The following MCU variants were observed in gnomAD, a reference collection of about 807,000 sequenced individuals.
MCU encodes mitochondrial calcium uniporter.
MCU carries 12 observed loss-of-function variants against 45.2 expected under a neutral mutation model. The observed-to-expected ratio is 0.27, with a 90% confidence interval of 0.17 to 0.43. The LOEUF is 0.43. Ranked by LOEUF, MCU falls within the 20% of genes least tolerant of loss-of-function variation. MCU has a pLI of 1.00. For synonymous variants in MCU, 160 were observed against 165.1 expected (o/e 0.97, Z 0.24); for missense variants, 324 against 436.7 (o/e 0.74, Z 2.30).
rs1203670970 is a variant in MCU, at chr10:72,849,352, A to G, written c.221-9825A>G. Among the ~76,000 whole-genome samples the G allele has an allele frequency of 1.3e-5, 2 of 151,986 alleles. 1 individual carries two copies. Among genetic ancestry groups the G allele is most frequent in the South Asian group, 4.2e-4 (2 of 4,816 alleles). On this transcript the variant is annotated intron_variant, in intron 2 of 7. Transcript: ENST00000373053. ...ATGAGGAATGTCAGATTCTGGCTCT[A>G]TGAATAGTCAAGGATGCCAGGTAAT... is the stretch of plus-strand genomic sequence containing the variant.
At position 72,812,199 on chromosome 10, in the gene MCU, T is replaced by C. The variant is rs187884008; in HGVS notation, c.151-22160T>C. Among the ~76,000 whole-genome samples, 221 of 152,216 alleles carry C rather than the reference T, an allele frequency of 1.5e-3. 2 individuals are homozygous for C. Among genetic ancestry groups the C allele is most frequent in the African/African-American group, 4.9e-3 (202 of 41,544 alleles). ...TCTTGCCCTACTGCCCAGGCTAGAG[T>C]GCAGTGGTGTGATCTCGGCTCACTG... On this transcript the variant is annotated intron_variant, in intron 1 of 7. Coordinates refer to ENST00000373053, the MANE Select transcript of MCU (RefSeq NM_138357.3).
chr10:72,861,909 A>G (rs1357394859), intron 4 of MCU: 1 of 269,410 alleles, frequency 3.7e-6, no homozygotes, highest in Non-Finnish European at 7.3e-6. Context: ...ATTTCTTTTC[A>G]TCCTAGCCTC....
chr10:72,849,415 A>C (rs1381369804), intron 2 of MCU, among the ~76,000 whole-genome samples: 1 of 152,042 alleles, frequency 6.6e-6, no homozygotes, highest in Non-Finnish European at 1.5e-5. Context: ...TGGTGGTGTT[A>C]TTGGTTGAGA....
chr10:72,745,858 A>G (rs1843408007), intron 1 of MCU, among the ~76,000 whole-genome samples: 1 of 152,222 alleles, frequency 6.6e-6, no homozygotes, highest in Non-Finnish European at 1.5e-5. Flanking sequence ...TAAAGTATAC[A>G]TAACATAAAA....
intron 1 of MCU, among the ~76,000 whole-genome samples, chr10:72,818,737 A>G (rs1844663689): frequency 6.6e-6 from 1 of 151,608 alleles, no homozygotes; most frequent in Non-Finnish European, 1.5e-5. Context: ...GCTACTTGGG[A>G]TGCTGAGGCA....
At chr10:72,692,869 C>T (rs1471709675) in intron 1 of MCU, 2 of 1,432,460 alleles carry the variant, frequency 1.4e-6, no homozygotes, top group Non-Finnish European at 1.8e-6. Context: ...CTTTATTCCC[C>T]TCTGTGACTT....
intron 1 of MCU, among the ~76,000 whole-genome samples, chr10:72,801,247 T>C (rs1044623842): frequency 6.6e-6 from 1 of 152,162 alleles, no homozygotes; most frequent in Non-Finnish European, 1.5e-5. Flanking sequence ...TTATACACTA[T>C]CACCTATTAA....
intron 6 of MCU, among the ~76,000 whole-genome samples, chr10:72,874,350 A>G (rs766758296): frequency 3.3e-5 from 5 of 152,226 alleles, no homozygotes; most frequent in Non-Finnish European, 7.3e-5. Context: ...ATAATATACC[A>G]TCATAGATCC....
At chr10:72,855,555 C>T (rs1034485152) in intron 2 of MCU, among the ~76,000 whole-genome samples, 3 of 152,014 alleles carry the variant, frequency 2.0e-5, no homozygotes, top group African/African-American at 7.2e-5. Context: ...GTACTCCAGG[C>T]TGGGAGACAG....
intron 1 of MCU, among the ~76,000 whole-genome samples, chr10:72,792,196 G>A (rs1341274104): frequency 4.6e-5 from 7 of 152,180 alleles, no homozygotes; most frequent in African/African-American, 1.7e-4. Context: ...TACTTCCTTG[G>A]TAGCTTACAG....
At chr10:72,793,439 G>T (rs1236621940) in intron 1 of MCU, among the ~76,000 whole-genome samples, 1 of 152,140 alleles carries the variant, frequency 6.6e-6, no homozygotes, top group African/African-American at 2.4e-5. Flanking sequence ...TACCTTTGTG[G>T]CCATGAGGGT....
At position 72,871,579 on chromosome 10, in the gene MCU, A is replaced by G; in HGVS notation, c.860A>G (p.Gln287Arg). The G allele has an allele frequency of 6.2e-7, 1 of 1,612,090 alleles. No individual in the cohort carries two copies. Among genetic ancestry groups the G allele is most frequent in the Non-Finnish European group, 8.5e-7 (1 of 1,178,052 alleles). The stretch of plus-strand genomic sequence containing the variant: ...TATGCATATTTTGTAATGACACGCC[A>G]GGTAAGAATTCTCTTCAAGTAACTT... ...AMYAYFVMTR[Q>R]EYVYPEARDR... The change falls in exon 6 of 8, where the codon CAG (glutamine) becomes CGG (arginine). Residue 287 changes from glutamine to arginine, a missense_variant and splice_region_variant. Transcript: ENST00000373053.
chr10:72,748,418 A>G (rs559085388), intron 1 of MCU, among the ~76,000 whole-genome samples: 2 of 152,372 alleles, frequency 1.3e-5, no homozygotes, highest in Admixed American at 1.3e-4. Context: ...CATATTGAAC[A>G]GTGTAGTTCT....
chr10:72,755,396 C>T (rs1356285243), intron 1 of MCU, among the ~76,000 whole-genome samples: 1 of 152,066 alleles, frequency 6.6e-6, no homozygotes, highest in Non-Finnish European at 1.5e-5. Flanking sequence ...GACCCACCCG[C>T]CTTGGCCTCC....
At chr10:72,723,324 T>C (rs1843050296) in intron 1 of MCU, among the ~76,000 whole-genome samples, 1 of 152,234 alleles carries the variant, frequency 6.6e-6, no homozygotes, top group Non-Finnish European at 1.5e-5. Flanking sequence ...TATATGATGC[T>C]ATGATTCTTA....
At chr10:72,860,562 T>A in intron 4 of MCU, 35 bp downstream of exon 4, 1 of 1,505,324 alleles carries the variant, frequency 6.6e-7, no homozygotes, top group Non-Finnish European at 9.2e-7. Context: ...CACAGAAATG[T>A]GGGAAGGGCT....
intron 1 of MCU, among the ~76,000 whole-genome samples, chr10:72,797,235 T>C (rs1441903157): frequency 6.6e-6 from 1 of 151,096 alleles, no homozygotes; most frequent in East Asian, 1.9e-4. Flanking sequence ...TATTTTATTT[T>C]TTTTTTAAGA....
At position 72,868,846 on chromosome 10, in the gene MCU, C is replaced by T; in HGVS notation, c.640C>T (p.Leu214=). ...IERLEDLKEQ[L]APLEKVRIEI... is the part of the protein sequence containing the mutation. ...AAGACTAGAGGATCTCAAAGAGCAGCTGGCTCCCCTGGAAAAGGTAAAACT... is the reference window on the plus strand; with the variant it reads ...AAGACTAGAGGATCTCAAAGAGCAGTTGGCTCCCCTGGAAAAGGTAAAACT... The change falls in exon 5 of 8, where the codon CTG becomes TTG. Residue 214 remains leucine (L), a synonymous_variant. Transcript: ENST00000373053. 1 of 1,612,884 alleles carries T rather than the reference C, an allele frequency of 6.2e-7. No individual in the cohort carries two copies. Among genetic ancestry groups the T allele is most frequent in the Non-Finnish European group, 8.5e-7 (1 of 1,179,674 alleles).
intron 1 of MCU, among the ~76,000 whole-genome samples, chr10:72,742,993 G>A (rs1418529183): frequency 2.0e-5 from 3 of 152,058 alleles, no homozygotes; most frequent in African/African-American, 7.2e-5. Context: ...GTGAGAGTGT[G>A]TGAGAGAGTG....
Sources: gnomAD v4.1 joint callset for allele counts (sites outside exome capture counted in the v4.1 genomes callset) on GRCh38, gnomAD v4.1.1 for gene constraint, MANE v1.5 for transcripts, NCBI Gene and HGNC (gene_info 2026-07-23, HGNC 2026-07-21) for gene names.